BTBD10: variants seen among roughly 807,000 people sequenced by gnomAD.
BTBD10 encodes BTB/POZ domain-containing protein 10.
A neutral mutation model predicts 53.2 loss-of-function variants in BTBD10; 21 were observed. That is an observed-to-expected ratio of 0.39 (90% CI 0.28 to 0.57). The LOEUF (loss-of-function observed/expected upper bound fraction) is 0.57, where lower values mean the gene tolerates loss of function less well. Ranked by LOEUF, BTBD10 falls within the 20% of genes least tolerant of loss-of-function variation. BTBD10 has a pLI of 0.53. For synonymous variants in BTBD10, 149 were observed against 192.7 expected (o/e 0.77, Z 1.88); for missense variants, 360 against 594.7 (o/e 0.61, Z 4.10).
At chr11:13,426,939 T>C (rs1408275377) in intron 2 of BTBD10, among the ~76,000 whole-genome samples, 2 of 152,084 alleles carry the variant, frequency 1.3e-5, no homozygotes, top group African/African-American at 4.8e-5. Context: ...GTCTAAACCA[T>C]AAAAGGTGAA....
chr11:13,424,671 A>G (rs1337816645), intron 2 of BTBD10, among the ~76,000 whole-genome samples: 1 of 152,196 alleles, frequency 6.6e-6, no homozygotes, highest in Non-Finnish European at 1.5e-5. Context: ...AGACTGGATT[A>G]GCCCTAATAT....
chr11:13,390,244 C>T (rs1280693325), intron 8 of BTBD10, among the ~76,000 whole-genome samples: 3 of 152,226 alleles, frequency 2.0e-5, no homozygotes, highest in Non-Finnish European at 4.4e-5. Flanking sequence ...GTAAATACTT[C>T]AGGCTTGTAG....
chr11:13,437,447 A>T (rs730413), intron 2 of BTBD10, among the ~76,000 whole-genome samples: 94,454 of 152,018 alleles, frequency 0.62, 29,973 homozygotes, highest in Middle Eastern at 0.76. Flanking sequence ...TTATTTTGGA[A>T]CATTTAGTAT....
chr11:13,460,961 A>G (rs1951081767), intron 1 of BTBD10, among the ~76,000 whole-genome samples: 1 of 152,252 alleles, frequency 6.6e-6, no homozygotes. Context: ...TTTTTAAACC[A>G]TAAATACTGA....
intron 1 of BTBD10, among the ~76,000 whole-genome samples, chr11:13,446,953 G>T (rs1181726598): frequency 3.3e-5 from 5 of 152,114 alleles, no homozygotes; most frequent in South Asian, 4.1e-4. Flanking sequence ...AAGAAAAAAA[G>T]TAGTCACCAA....
chr11:13,388,740 CAATG>C lies in BTBD10; in HGVS notation c.*87_*90del, dbSNP rs1383676602. On this transcript the variant is annotated 3_prime_UTR_variant, in exon 9 of 9. Transcript: ENST00000278174. ...CCTAAACATTGTTATGTGCATCTCA[CAATG>C]AAGAAGAGTGGCCTTGCAGTGCAGA... 1.5e-6 allele frequency: 2 copies of C among 1,340,942 alleles called. No individual in the cohort carries two copies. Among genetic ancestry groups the C allele is most frequent in the Admixed American group, 2.0e-5 (1 of 48,924 alleles). The allele number at this position is 1,340,942 out of a possible 1,614,324, so 83.1% of individuals were successfully genotyped here. A position where few individuals can be genotyped will look rare whatever the true frequency, so the allele number is the denominator to read the frequency against.
intron 1 of BTBD10, among the ~76,000 whole-genome samples, chr11:13,448,997 G>C (rs1054075539): frequency 6.6e-6 from 1 of 152,120 alleles, no homozygotes; most frequent in African/African-American, 2.4e-5. Context: ...CATCTGTACA[G>C]AGGCTGGAAC....
At chr11:13,395,488 T>C (rs1190000454) in intron 8 of BTBD10, among the ~76,000 whole-genome samples, 1 of 152,232 alleles carries the variant, frequency 6.6e-6, no homozygotes, top group Non-Finnish European at 1.5e-5. Flanking sequence ...ATCCTGTAGG[T>C]TGCCTGTTCA....
chr11:13,434,759 T>C (rs1950516711), intron 2 of BTBD10, among the ~76,000 whole-genome samples: 1 of 152,220 alleles, frequency 6.6e-6, no homozygotes, highest in South Asian at 2.1e-4. Context: ...CTGTAAATAA[T>C]CAGGCGAAAG....
chr11:13,452,972 A>T (rs1950892578), intron 1 of BTBD10, among the ~76,000 whole-genome samples: 1 of 152,142 alleles, frequency 6.6e-6, no homozygotes, highest in Admixed American at 6.5e-5. Flanking sequence ...CCCTTGTTTA[A>T]TTATACATGG....
chr11:13,426,863 AC>A (rs1333561215), intron 2 of BTBD10, among the ~76,000 whole-genome samples: 1 of 152,172 alleles, frequency 6.6e-6, no homozygotes, highest in Non-Finnish European at 1.5e-5. Context: ...ACAGGACAAG[AC>A]TTAACCTTAA....
chr11:13,395,802 T>A (rs1282588950), intron 8 of BTBD10, among the ~76,000 whole-genome samples: 1 of 152,256 alleles, frequency 6.6e-6, no homozygotes, highest in Non-Finnish European at 1.5e-5. Flanking sequence ...GGGAATCCTT[T>A]CGCCATTGCT....
At chr11:13,424,134 T>G (rs1950293106) in intron 2 of BTBD10, among the ~76,000 whole-genome samples, 3 of 152,194 alleles carry the variant, frequency 2.0e-5, no homozygotes, top group Non-Finnish European at 4.4e-5. Flanking sequence ...CTCTTCAAAT[T>G]ATTCTGGCAG....
intron 8 of BTBD10, among the ~76,000 whole-genome samples, chr11:13,395,939 C>T (rs1185280652): frequency 4.7e-5 from 7 of 149,866 alleles, no homozygotes; most frequent in Non-Finnish European, 8.9e-5. Context: ...TTTGTTACTG[C>T]AGCCTTGTAG....
chr11:13,448,897 C>T (rs778011089), intron 1 of BTBD10, among the ~76,000 whole-genome samples: 2 of 151,880 alleles, frequency 1.3e-5, no homozygotes, highest in Non-Finnish European at 2.9e-5. Context: ...ACCAGACAAC[C>T]GAAAATAAAA....
At chr11:13,426,455 G>A (rs897012791) in intron 2 of BTBD10, among the ~76,000 whole-genome samples, 8 of 151,968 alleles carry the variant, frequency 5.3e-5, no homozygotes, top group African/African-American at 1.7e-4. Flanking sequence ...AAAAGTAACT[G>A]CATGGAAGAA....
intron 2 of BTBD10, chr11:13,440,108 G>A: frequency 2.6e-6 from 4 of 1,516,908 alleles, no homozygotes; most frequent in Non-Finnish European, 3.5e-6. Flanking sequence ...CCTGTCCATA[G>A]ACTTCCTTTA....
chr11:13,431,315 T>G (rs913242667), intron 2 of BTBD10, among the ~76,000 whole-genome samples: 1 of 152,060 alleles, frequency 6.6e-6, no homozygotes, highest in Non-Finnish European at 1.5e-5. Flanking sequence ...GATCACCACT[T>G]GAAAACTTCA....
intron 2 of BTBD10, 76 bp from the exon 3 acceptor site, chr11:13,421,914 T>A: frequency 4.1e-6 from 5 of 1,213,202 alleles, no homozygotes; most frequent in Admixed American, 2.9e-5. Context: ...AACACCCAAG[T>A]AACAAAAAAC....
Sources: allele counts gnomAD v4.1 joint callset (sites outside exome capture counted in the v4.1 genomes callset), GRCh38; gene constraint gnomAD v4.1.1; transcripts MANE v1.5; gene names NCBI Gene and HGNC (gene_info 2026-07-23, HGNC 2026-07-21).